TTLL2: variants seen among roughly 807,000 people sequenced by gnomAD.
TTLL2 encodes probable tubulin polyglutamylase TTLL2.
In TTLL2, 10 loss-of-function variants were observed where a neutral mutation model predicts 7.5. The ratio of observed to expected loss-of-function variants is 1.33; its 90% CI spans 0.82 to 2.25. The LOEUF (loss-of-function observed/expected upper bound fraction) is 2.25, where lower values mean the gene tolerates loss of function less well. Among genes scored for constraint, TTLL2 ranks in the 30% most tolerant of loss-of-function variants. The pLI, the probability that TTLL2 is intolerant of heterozygous loss-of-function variation, is 0.00. For missense variants in TTLL2, 733 were observed against 735.7 expected, an observed-to-expected ratio of 1.00 and a Z score of 0.04; for synonymous variants, 284 against 280.3, an observed-to-expected ratio of 1.01 and a Z score of -0.13.
intron 1 of TTLL2, among the ~76,000 whole-genome samples, chr6:167,330,791 C>T (rs1406376880): frequency 6.6e-6 from 1 of 152,118 alleles, no homozygotes; most frequent in Non-Finnish European, 1.5e-5. Context: ...GGACATTTCC[C>T]AAATCACACA....
At chr6:167,325,810 TG>T (rs142786109) in intron 1 of TTLL2, among the ~76,000 whole-genome samples, 4,081 of 152,154 alleles carry the variant, frequency 0.027, 207 homozygotes, top group African/African-American at 0.093. Flanking sequence ...GCATTCATGC[TG>T]GGCTTCCTGG....
intron 1 of TTLL2, among the ~76,000 whole-genome samples, chr6:167,335,790 G>A (rs868759130): frequency 4.3e-5 from 6 of 140,000 alleles, no homozygotes; most frequent in African/African-American, 1.4e-4. Context: ...ATGGACACAG[G>A]AAGGGGAATA....
intron 1 of TTLL2, among the ~76,000 whole-genome samples, chr6:167,334,363 C>T (rs535043107): frequency 6.8e-6 from 1 of 146,226 alleles, no homozygotes; most frequent in Non-Finnish European, 1.5e-5. Flanking sequence ...TTACTTCCAA[C>T]TATGTGGTCA....
chr6:167,326,463 A>G (rs1248376718), intron 1 of TTLL2, among the ~76,000 whole-genome samples: 2 of 152,060 alleles, frequency 1.3e-5, no homozygotes, highest in East Asian at 1.9e-4. Context: ...ATGCATCAGG[A>G]AAGGTGACAA....
chr6:167,329,353 T>C (rs1003612564), intron 1 of TTLL2, among the ~76,000 whole-genome samples: 4 of 152,276 alleles, frequency 2.6e-5, no homozygotes, highest in African/African-American at 9.6e-5. Flanking sequence ...ACTGAGGCCC[T>C]GAAAACCCAA....
rs117481995 is a variant in TTLL2 at position 167,331,728 on chromosome 6, C to T, written c.47+6508C>T. Among the ~76,000 whole-genome samples the T allele has an allele frequency of 1.8e-3, 269 of 152,264 alleles. 8 individuals carry two copies. The East Asian group carries it at 0.034, about 19-fold the overall frequency. On this transcript the variant is annotated intron_variant, in intron 1 of 2. Transcript: ENST00000239587. Reference sequence around the variant, plus strand: ...CTTAGGAGTATGCACCTGTAACAATCGCTGAGTCCTGGCCAATCCCCGCAG... The same window carrying T: ...CTTAGGAGTATGCACCTGTAACAATTGCTGAGTCCTGGCCAATCCCCGCAG...
In TTLL2 at chr6:167,340,454, C is replaced by T. The variant is rs202105107; in HGVS notation, c.554C>T (p.Pro185Leu). Residue 185 changes from proline (P) to leucine (L), a missense_variant, in exon 3 of 3, where the codon CCC (proline) becomes CTC (leucine). Pro to Leu is a moderately conservative substitution (Grantham distance 98). Transcript: ENST00000239587. ...TTCATCCCCCTGACGTTCGTCATGC[C>T]CAATGACTATACCAAGTTCGTGGCT... ...YQFIPLTFVM[P>L]NDYTKFVAEY... 2 of 1,614,106 alleles carry T rather than the reference C, an allele frequency of 1.2e-6. No individual in the cohort carries two copies. Among genetic ancestry groups the T allele is most frequent in the East Asian group, 2.2e-5 (1 of 44,876 alleles).
intron 1 of TTLL2, among the ~76,000 whole-genome samples, chr6:167,336,983 C>T (rs1032431391): frequency 1.3e-5 from 2 of 152,190 alleles, no homozygotes; most frequent in African/African-American, 4.8e-5. Flanking sequence ...ACACCATGAC[C>T]CACACCCCAG....
intron 1 of TTLL2, among the ~76,000 whole-genome samples, chr6:167,337,967 C>T (rs1428403281): frequency 4.6e-5 from 7 of 151,886 alleles, no homozygotes; most frequent in African/African-American, 9.7e-5. Context: ...ATACATACCA[C>T]GTATAACACA....
intron 1 of TTLL2, among the ~76,000 whole-genome samples, chr6:167,332,624 T>C (rs1778933713): frequency 7.2e-6 from 1 of 137,994 alleles, no homozygotes; most frequent in Non-Finnish European, 1.5e-5. Context: ...CCTTGAGCAG[T>C]GGTTTGTAGT....
chr6:167,340,607 T>C lies in TTLL2; in HGVS notation c.707T>C (p.Met236Thr), dbSNP rs145740701. The change falls in exon 3 of 3, where the codon ATG becomes ACG. Residue 236 changes from methionine to threonine, a missense_variant. Coordinates refer to ENST00000239587, the MANE Select transcript of TTLL2 (RefSeq NM_031949.5). ...SDFKDFIFDD[M>T]YIVQKYISNP... is the part of the protein sequence containing the mutation. ...TTTAAAGACTTCATCTTTGATGATATGTACATAGTGCAGAAATATATCTCC... is the reference window on the plus strand; with the variant it reads ...TTTAAAGACTTCATCTTTGATGATACGTACATAGTGCAGAAATATATCTCC... 5.7e-4 allele frequency: 920 copies of C among 1,614,246 alleles called. No individual in the cohort carries two copies. Among genetic ancestry groups the C allele is most frequent in the Non-Finnish European group, 6.9e-4 (816 of 1,180,052 alleles).
chr6:167,336,920 G>A (rs1778990015), intron 1 of TTLL2, among the ~76,000 whole-genome samples: 1 of 152,154 alleles, frequency 6.6e-6, no homozygotes, highest in South Asian at 2.1e-4. Context: ...GTGGGCCTTG[G>A]GGGGCTCCTC....
At chr6:167,335,984 T>A (rs1468044244) in intron 1 of TTLL2, among the ~76,000 whole-genome samples, 24 of 54,914 alleles carry the variant, frequency 4.4e-4, no homozygotes, top group Admixed American at 3.5e-3. Context: ...AAAAAAGAAA[T>A]GGAAAAAAAA....
intron 1 of TTLL2, chr6:167,328,123 A>G: frequency 2.2e-6 from 1 of 456,286 alleles, no homozygotes. Context: ...TGCCAAAAAG[A>G]TAAAATGTGA....
rs766366189 is a variant in TTLL2 at position 167,341,715 on chromosome 6, A to G, written c.*36A>G. 6.4e-7 allele frequency: 1 copy of G among 1,551,462 alleles called. No individual in the cohort carries two copies. The highest frequency in any genetic ancestry group is 1.3e-5 in the South Asian group (1 of 78,744). On this transcript the variant is annotated 3_prime_UTR_variant, in exon 3 of 3. Coordinates refer to ENST00000239587, the MANE Select transcript of TTLL2 (RefSeq NM_031949.5). ...ATCAAATCAAGAAAAAGTGACATGG[A>G]TTTTTAAAAACCAAGGATCCTGTCC...
intron 1 of TTLL2, chr6:167,328,220 C>A (rs1012391265): frequency 4.6e-5 from 20 of 437,478 alleles, no homozygotes; most frequent in Middle Eastern, 5.4e-4. Flanking sequence ...AGGAGGCTGC[C>A]GTCCCTGGGA....
chr6:167,328,052 T>A (rs1215426090), intron 1 of TTLL2: 1 of 456,250 alleles, frequency 2.2e-6, no homozygotes, highest in Admixed American at 2.3e-5. Context: ...GTTTAACCCT[T>A]CAGCTGGATC....
intron 1 of TTLL2, among the ~76,000 whole-genome samples, chr6:167,329,293 A>T (rs1435763433): frequency 1.3e-5 from 2 of 152,188 alleles, no homozygotes; most frequent in African/African-American, 4.8e-5. Context: ...CCTACTTCAG[A>T]GACTATCATG....
At chr6:167,325,486 A>G (rs1208386519) in intron 1 of TTLL2, among the ~76,000 whole-genome samples, 2 of 152,182 alleles carry the variant, frequency 1.3e-5, no homozygotes, top group African/African-American at 4.8e-5. Context: ...CCAGTTATAT[A>G]AGAGTGAACG....
Sources: allele counts gnomAD v4.1 joint callset (sites outside exome capture counted in the v4.1 genomes callset), GRCh38; gene constraint gnomAD v4.1.1; transcripts MANE v1.5; gene names NCBI Gene and HGNC (gene_info 2026-07-23, HGNC 2026-07-21).